Variants in CDKAL1 observed in about 807,000 individuals in gnomAD.
The protein encoded by CDKAL1 is threonylcarbamoyladenosine tRNA methylthiotransferase.
CDKAL1 carries 32 observed loss-of-function variants against 68.2 expected under a neutral mutation model. That is an observed-to-expected ratio of 0.47 (90% confidence interval 0.35 to 0.63). The LOEUF (loss-of-function observed/expected upper bound fraction) is 0.63, where lower values mean the gene tolerates loss of function less well. Ranked by LOEUF, CDKAL1 falls within the 30% of genes least tolerant of loss-of-function variation. The pLI is 0.00. For missense variants in CDKAL1, 606 were observed against 696.7 expected (o/e 0.87, Z 1.47); for synonymous variants, 234 against 244.3 (o/e 0.96, Z 0.39).
chr6:20,862,859 T>C lies in CDKAL1; in HGVS notation c.742+16681T>C, dbSNP rs902642697. On this transcript the variant is annotated intron_variant, in intron 9 of 15. Coordinates refer to ENST00000274695, the MANE Select transcript of CDKAL1 (RefSeq NM_017774.3). ...CTGACCAACATGGAGAAACTCCGCC[T>C]CTACTAAAAATACAAAAATTAGCTA... Among the ~76,000 whole-genome samples the C allele has an allele frequency of 3.9e-5, 6 of 152,126 alleles. No homozygotes were observed. The South Asian group carries it at 1.0e-3, about 26-fold the overall frequency.
At chr6:21,105,263 C>G (rs1200193427) in intron 12 of CDKAL1, among the ~76,000 whole-genome samples, 23 of 152,180 alleles carry the variant, frequency 1.5e-4, no homozygotes, top group Admixed American at 1.5e-3. Context: ...GAACTGTTTC[C>G]AATCATCTTA....
intron 9 of CDKAL1, among the ~76,000 whole-genome samples, chr6:20,936,027 T>G (rs1450925408): frequency 6.6e-6 from 1 of 152,152 alleles, no homozygotes; most frequent in African/African-American, 2.4e-5. Flanking sequence ...TGTAGATATA[T>G]AATAATGAAT....
intron 5 of CDKAL1, among the ~76,000 whole-genome samples, chr6:20,684,674 C>T (rs116822775): frequency 6.9e-4 from 105 of 152,232 alleles, no homozygotes; most frequent in Admixed American, 1.1e-3. Context: ...GCATCCTTGC[C>T]AACATTTGGT....
intron 5 of CDKAL1, among the ~76,000 whole-genome samples, chr6:20,652,316 C>T (rs1479239309): frequency 6.6e-6 from 1 of 152,166 alleles, no homozygotes; most frequent in East Asian, 1.9e-4. Context: ...CAGTCCTTGC[C>T]TCTTTTCCCT....
chr6:20,723,869 C>T (rs1402927514), intron 5 of CDKAL1, among the ~76,000 whole-genome samples: 1 of 152,140 alleles, frequency 6.6e-6, no homozygotes, highest in East Asian at 1.9e-4. Flanking sequence ...TGTAAATTTG[C>T]TAAGGAGACA....
chr6:20,682,956 T>C (rs867391706), intron 5 of CDKAL1, among the ~76,000 whole-genome samples: 4,953 of 149,854 alleles, frequency 0.033, 257 homozygotes, highest in African/African-American at 0.11. Context: ...TCTTTCTTTT[T>C]TTTTTTTTTT....
chr6:21,205,593 T>G (rs911062865), intron 15 of CDKAL1, among the ~76,000 whole-genome samples: 3 of 149,224 alleles, frequency 2.0e-5, no homozygotes, highest in African/African-American at 4.9e-5. Context: ...TGCAGTGGCC[T>G]GATCTCGGCT....
intron 4 of CDKAL1, among the ~76,000 whole-genome samples, chr6:20,606,787 T>G (rs1766353915): frequency 6.6e-6 from 1 of 152,192 alleles, no homozygotes; most frequent in South Asian, 2.1e-4. Context: ...CAATTCAGGG[T>G]GAAAATTGCA....
chr6:20,594,047 G>A (rs1232021188), intron 4 of CDKAL1, among the ~76,000 whole-genome samples: 3 of 152,170 alleles, frequency 2.0e-5, no homozygotes, highest in Non-Finnish European at 4.4e-5. Flanking sequence ...GAGACTGTTT[G>A]TTATGATTTC....
chr6:21,213,761 T>G (rs563569930), intron 15 of CDKAL1, among the ~76,000 whole-genome samples: 1 of 152,302 alleles, frequency 6.6e-6, no homozygotes, highest in Non-Finnish European at 1.5e-5. Flanking sequence ...CTACCCTGAA[T>G]ATAAACCAGA....
At chr6:20,937,887 T>G (rs1763795897) in intron 9 of CDKAL1, among the ~76,000 whole-genome samples, 1 of 151,264 alleles carries the variant, frequency 6.6e-6, no homozygotes, top group Admixed American at 6.6e-5. Context: ...TTTTAATTAA[T>G]AAGTGTCTTA....
intron 10 of CDKAL1, among the ~76,000 whole-genome samples, chr6:20,989,900 A>G (rs1255626535): frequency 6.6e-6 from 1 of 152,184 alleles, no homozygotes; most frequent in Non-Finnish European, 1.5e-5. Flanking sequence ...ATCATTAGAC[A>G]AAAACTCTAT....
At chr6:20,807,245 C>T (rs539132579) in intron 8 of CDKAL1, among the ~76,000 whole-genome samples, 72 of 149,988 alleles carry the variant, frequency 4.8e-4, no homozygotes, top group Non-Finnish European at 8.0e-4. Flanking sequence ...TTTTTTGAGA[C>T]GGAGTCTCGC....
chr6:20,724,300 T>TAC (rs1772538547), intron 5 of CDKAL1, among the ~76,000 whole-genome samples: 2 of 152,338 alleles, frequency 1.3e-5, no homozygotes, highest in South Asian at 4.1e-4. Flanking sequence ...GAGTAGCTTT[T>TAC]ACATTAATAC....
Position 20,545,440 on chromosome 6 carries a change from T to G in CDKAL1, c.-5-906T>G, listed in dbSNP as rs1185010486. Among the ~76,000 whole-genome samples the G allele has an allele frequency of 2.0e-5, 3 of 152,122 alleles. No homozygotes were observed. In the East Asian group the frequency reaches 5.8e-4, roughly 29 times the overall value. The stretch of plus-strand genomic sequence containing the variant: ...TGCTTTTCAGTATGTCTTAATCTAT[T>G]TTTTCTTCTTTTTTGAGATGGAGTT... On this transcript the variant is annotated intron_variant, in intron 2 of 15. Coordinates refer to ENST00000274695, the MANE Select transcript of CDKAL1 (RefSeq NM_017774.3).
chr6:20,678,031 A>G (rs994513126), intron 5 of CDKAL1, among the ~76,000 whole-genome samples: 2 of 150,590 alleles, frequency 1.3e-5, no homozygotes, highest in Non-Finnish European at 3.0e-5. Flanking sequence ...CTTGAAAAGA[A>G]GGTGTATTCT....
intron 4 of CDKAL1, among the ~76,000 whole-genome samples, chr6:20,601,924 G>C (rs907326499): frequency 6.6e-6 from 1 of 152,146 alleles, no homozygotes; most frequent in East Asian, 1.9e-4. Flanking sequence ...CTTGCTAGAT[G>C]GTTATGTATG....
chr6:21,059,306 G>A (rs1771010049), intron 11 of CDKAL1, among the ~76,000 whole-genome samples: 1 of 152,184 alleles, frequency 6.6e-6, no homozygotes, highest in South Asian at 2.1e-4. Flanking sequence ...TGCAGTGATG[G>A]CAGCCACCCT....
At chr6:20,898,244 C>T (rs1761794155) in intron 9 of CDKAL1, among the ~76,000 whole-genome samples, 1 of 151,514 alleles carries the variant, frequency 6.6e-6, no homozygotes, top group Admixed American at 6.6e-5. Flanking sequence ...TCCTGTTCTG[C>T]TTGTCTTTAT....
Sources: gnomAD v4.1 joint callset for allele counts (sites outside exome capture counted in the v4.1 genomes callset) on GRCh38, gnomAD v4.1.1 for gene constraint, MANE v1.5 for transcripts, NCBI Gene and HGNC (gene_info 2026-07-23, HGNC 2026-07-21) for gene names.